The following RND3 variants were observed in gnomAD, a reference collection of about 807,000 sequenced individuals.
The protein encoded by RND3 is Rho family GTPase 3.
A neutral mutation model predicts 26.5 loss-of-function variants in RND3; 8 were observed. The observed-to-expected ratio is 0.30, with a 90% CI of 0.18 to 0.54. The LOEUF (loss-of-function observed/expected upper bound fraction) is 0.54, where lower values mean the gene tolerates loss of function less well. Among genes scored for constraint, RND3 ranks in the 20% least tolerant of loss-of-function variants. RND3 has a pLI of 0.94. For missense variants in RND3, 207 were observed against 302.8 expected (o/e 0.68, Z 2.35); for synonymous variants, 113 against 113.0 (o/e 1.00, Z 0.00).
At chr2:150,477,925 T>A (rs1228956402) in intron 3 of RND3, among the ~76,000 whole-genome samples, 1 of 152,174 alleles carries the variant, frequency 6.6e-6, no homozygotes. Flanking sequence ...TGCTTTTAGA[T>A]CAACACGAGT....
intron 4 of RND3, among the ~76,000 whole-genome samples, chr2:150,473,143 GA>G (rs36041514): frequency 0.18 from 25,117 of 136,230 alleles, 2,504 homozygotes; most frequent in East Asian, 0.49. Flanking sequence ...AGGTGAACTG[GA>G]AAAAAAAAAA....
rs568669695 is a variant in RND3, at chr2:150,482,499, G to A, written c.238+4195C>T. On this transcript the variant is annotated intron_variant, in intron 3 of 5. Transcript: ENST00000263895. The stretch of plus-strand genomic sequence containing the variant: ...ATTGGGTGAAATTTGAAAATCAATG[G>A]GAGCATTTCTGCAACTATTAAGAAT... 9.2e-5 allele frequency among the ~76,000 whole-genome samples: 14 copies of A among 152,104 alleles called. No individual in the cohort carries two copies. The South Asian group carries it at 1.9e-3, about 20-fold the overall frequency.
intron 3 of RND3, among the ~76,000 whole-genome samples, chr2:150,484,529 A>G (rs991274832): frequency 4.6e-5 from 7 of 152,098 alleles, no homozygotes; most frequent in African/African-American, 1.7e-4. Flanking sequence ...TCATTCCTAA[A>G]TCCACCAGGA....
intron 3 of RND3, among the ~76,000 whole-genome samples, chr2:150,482,464 G>T (rs1407370275): frequency 6.6e-6 from 1 of 152,104 alleles, no homozygotes; most frequent in Non-Finnish European, 1.5e-5. Context: ...CCATTGTTTG[G>T]CAGAAACTCA....
chr2:150,486,699 G>C lies in RND3; in HGVS notation c.233C>G (p.Thr78Ser), dbSNP rs1407959561. The C allele has an allele frequency of 6.2e-7, 1 of 1,610,248 alleles. No homozygotes were observed. Residue 78 changes from threonine (T) to serine (S), a missense_variant, in exon 3 of 6, where the codon ACT becomes AGT. Physicochemically the swap from Thr to Ser is moderately conservative, Grantham distance 58. Transcript: ENST00000263895. The surrounding 1 kb of genome is among the most constrained non-coding windows in gnomAD (Gnocchi z 4.5). The stretch of plus-strand genomic sequence containing the variant: ...CGCGGTCCTCCCACTCTTACCCGAA[G>C]TGTCCCACAGGCTCAACTCTATTCT... ...TQRIELSLWD[T>S]SGSPYYDNVR...
At chr2:150,487,509 A>C in intron 1 of RND3, 40 bp downstream of exon 1, 1 of 325,744 alleles carries the variant, frequency 3.1e-6, no homozygotes, top group Non-Finnish European at 4.7e-6. Flanking sequence ...CTCTTTATAA[A>C]AAGCAGATAT....
chr2:150,482,835 G>A (rs952425076), intron 3 of RND3, among the ~76,000 whole-genome samples: 1 of 152,114 alleles, frequency 6.6e-6, no homozygotes, highest in Admixed American at 6.6e-5. Flanking sequence ...AAGTGGAAAA[G>A]GGCACTGGGG....
intron 4 of RND3, among the ~76,000 whole-genome samples, chr2:150,472,997 C>T (rs1001454405): frequency 6.7e-6 from 1 of 149,936 alleles, no homozygotes; most frequent in Non-Finnish European, 1.5e-5. Flanking sequence ...TCCCTTCCTC[C>T]CTCCCTCCCT....
intron 3 of RND3, among the ~76,000 whole-genome samples, chr2:150,483,865 CT>C: frequency 6.6e-6 from 1 of 152,288 alleles, no homozygotes; most frequent in Non-Finnish European, 1.5e-5. Flanking sequence ...CCTTATGCCT[CT>C]TTTTTCCATT....
chr2:150,482,103 G>A (rs983998153), intron 3 of RND3, among the ~76,000 whole-genome samples: 2 of 152,202 alleles, frequency 1.3e-5, no homozygotes, highest in Non-Finnish European at 2.9e-5. Flanking sequence ...GACAAGATTC[G>A]AAAGAGTGTT....
intron 3 of RND3, among the ~76,000 whole-genome samples, chr2:150,478,191 TA>T (rs1462612790): frequency 5.4e-4 from 77 of 141,962 alleles, no homozygotes; most frequent in East Asian, 1.8e-3. Flanking sequence ...ACTTTCAGGA[TA>T]AAAAAAAAAA....
chr2:150,478,734 A>G (rs1488525223), intron 3 of RND3, among the ~76,000 whole-genome samples: 1 of 152,146 alleles, frequency 6.6e-6, no homozygotes, highest in African/African-American at 2.4e-5. Context: ...ACTGCAGTAC[A>G]TGGTAGGTAT....
intron 3 of RND3, among the ~76,000 whole-genome samples, chr2:150,482,018 A>C (rs1182000215): frequency 2.0e-5 from 3 of 152,232 alleles, no homozygotes; most frequent in African/African-American, 7.2e-5. Flanking sequence ...TACCACCTTA[A>C]GTGTTAGTAA....
At position 150,487,298 on chromosome 2, in the gene RND3, G is replaced by A. The variant is rs1397425426; in HGVS notation, c.120C>T (p.Leu40=). 3.7e-6 allele frequency: 6 copies of A among 1,601,504 alleles called. No individual in the cohort carries two copies. The highest frequency in any genetic ancestry group is 3.3e-4 in the Middle Eastern group (2 of 6,008). ...GDSQCGKTAL[L]HVFAKDCFPE... ...GGAAGCAGTCCTTGGCGAAGACATG[G>A]AGCAGCGCAGTTTTTCCACACTGAC... The change falls in exon 2 of 6, where the codon CTC becomes CTT. Residue 40 remains leucine (L), a synonymous_variant. Coordinates refer to ENST00000263895, the MANE Select transcript of RND3 (RefSeq NM_005168.5).
In RND3 at chr2:150,486,003, G is replaced by A. The variant is rs1030766760; in HGVS notation, c.238+691C>T. Reference sequence around the variant, plus strand: ...ATAGAGGTCAGGAGGGGCTGGTGTGGTGAAGGGGAAACGGACGTGATCACT... The same window carrying A: ...ATAGAGGTCAGGAGGGGCTGGTGTGATGAAGGGGAAACGGACGTGATCACT... On this transcript the variant is annotated intron_variant, in intron 3 of 5. Coordinates refer to ENST00000263895, the MANE Select transcript of RND3 (RefSeq NM_005168.5). This position sits in a 1 kb window ranked among gnomAD's most constrained non-coding sequence, Gnocchi z 4.5. Among the ~76,000 whole-genome samples, 2 of 152,164 alleles carry A rather than the reference G, an allele frequency of 1.3e-5. No homozygotes were observed. Among genetic ancestry groups the A allele is most frequent in the Non-Finnish European group, 2.9e-5 (2 of 68,026 alleles).
At position 150,487,232 on chromosome 2, in the gene RND3, G is replaced by A. The variant is rs747737604; in HGVS notation, c.150+36C>T. 6 of 1,525,616 alleles carry A rather than the reference G, an allele frequency of 3.9e-6. No individual in the cohort carries two copies. The Admixed American group carries it at 9.6e-5, about 24-fold the overall frequency. 94.5% of individuals were successfully genotyped at this position (1,525,616 alleles called of 1,614,324 possible). A position where few individuals can be genotyped will look rare whatever the true frequency, so the allele number is the denominator to read the frequency against. Reference sequence around the variant, plus strand: ...CCTCGGGACTGGGATCCCACTGGCCGACCCCCTCGTGGAAGCCGCGGCCGG... The same window carrying A: ...CCTCGGGACTGGGATCCCACTGGCCAACCCCCTCGTGGAAGCCGCGGCCGG... On this transcript the variant is annotated intron_variant, in intron 2 of 5. Coordinates refer to ENST00000263895, the MANE Select transcript of RND3 (RefSeq NM_005168.5).
intron 3 of RND3, among the ~76,000 whole-genome samples, chr2:150,485,764 G>A (rs1470442546): frequency 6.6e-6 from 1 of 152,112 alleles, no homozygotes; most frequent in Admixed American, 6.5e-5. Flanking sequence ...AACTCAGCCG[G>A]GGGGCCGGAT....
At chr2:150,477,618 T>G (rs1465305483) in intron 3 of RND3, among the ~76,000 whole-genome samples, 1 of 152,128 alleles carries the variant, frequency 6.6e-6, no homozygotes, top group Non-Finnish European at 1.5e-5. Context: ...TAAAATCAAG[T>G]GGGCTGGCTT....
Position 150,486,570 on chromosome 2 carries a change from G to A in RND3, c.238+124C>T. On this transcript the variant is annotated intron_variant, in intron 3 of 5. Transcript: ENST00000263895. The surrounding 1 kb of genome is among the most constrained non-coding windows in gnomAD (Gnocchi z 4.5). ...AAGGGATACAATTTTCGCCCAACAG[G>A]GACCGTGGGAATCCCTTGGGAGGGG... 4 of 779,808 alleles carry A rather than the reference G, an allele frequency of 5.1e-6. No individual in the cohort carries two copies. Among genetic ancestry groups the A allele is most frequent in the Non-Finnish European group, 9.3e-6 (4 of 431,488 alleles). The allele number at this position is 779,808 out of a possible 1,614,324, so 48.3% of individuals were successfully genotyped here.
Sources: gnomAD v4.1 joint callset for allele counts (sites outside exome capture counted in the v4.1 genomes callset) on GRCh38, gnomAD v4.1.1 for gene constraint, Gnocchi (gnomAD v3.1) non-coding constraint, MANE v1.5 for transcripts, NCBI Gene and HGNC (gene_info 2026-07-23, HGNC 2026-07-21) for gene names.